Variants in RGS21 observed in about 807,000 individuals in gnomAD.
RGS21 encodes the protein regulator of G-protein signalling 21.
Under a neutral mutation model 18.7 loss-of-function variants are expected in RGS21, and 19 were observed. That is an observed-to-expected ratio of 1.01 (90% CI 0.71 to 1.49). The LOEUF (loss-of-function observed/expected upper bound fraction) is 1.49, where lower values mean the gene tolerates loss of function less well. Ranked by LOEUF, RGS21 falls within the 40% of genes most tolerant of loss-of-function variation. RGS21 has a pLI of 0.00. For missense variants in RGS21, 194 were observed against 176.8 expected, an observed-to-expected ratio of 1.10 and a Z score of -0.55; for synonymous variants, 56 against 57.8, an observed-to-expected ratio of 0.97 and a Z score of 0.14.
chr1:192,333,839 T>C (rs954932510), intron 1 of RGS21, among the ~76,000 whole-genome samples: 2 of 152,086 alleles, frequency 1.3e-5, no homozygotes, highest in Non-Finnish European at 2.9e-5. Flanking sequence ...CAACTACTGG[T>C]TTGTTACTGC....
At chr1:192,365,303 T>A (rs1172538974) in intron 4 of RGS21, among the ~76,000 whole-genome samples, 1 of 152,156 alleles carries the variant, frequency 6.6e-6, no homozygotes, top group African/African-American at 2.4e-5. Flanking sequence ...GTGAATGGTG[T>A]GTTTCAATAT....
intron 1 of RGS21, among the ~76,000 whole-genome samples, chr1:192,323,460 A>T (rs990323098): frequency 1.3e-5 from 2 of 152,118 alleles, no homozygotes; most frequent in African/African-American, 4.8e-5. Flanking sequence ...AGAAACTGAA[A>T]TGAATAAATC....
Position 192,366,388 on chromosome 1 carries a change from T to C in RGS21, c.*264T>C. ...TATAGTCTTAAACCAAAACTGAATA[T>C]TCTTATTATATTATAATGTAAGGAA... On this transcript the variant is annotated 3_prime_UTR_variant, in exon 5 of 5. Coordinates refer to ENST00000417209, the MANE Select transcript of RGS21 (RefSeq NM_001039152.3). 1 of 288,694 alleles carries C rather than the reference T, an allele frequency of 3.5e-6. No individual in the cohort carries two copies. Among genetic ancestry groups the C allele is most frequent in the East Asian group, 8.4e-5 (1 of 11,916 alleles). 17.9% of individuals were successfully genotyped at this position (288,694 alleles called of 1,614,324 possible). A position where few individuals can be genotyped will look rare whatever the true frequency, so the allele number is the denominator to read the frequency against.
At chr1:192,341,815 T>C (rs1309910042) in intron 1 of RGS21, among the ~76,000 whole-genome samples, 1 of 151,808 alleles carries the variant, frequency 6.6e-6, no homozygotes, top group African/African-American at 2.4e-5. Flanking sequence ...ACAGTGTATT[T>C]TCCAAACTGT....
chr1:192,345,524 C>T (rs1315510289), intron 2 of RGS21, among the ~76,000 whole-genome samples: 1 of 152,064 alleles, frequency 6.6e-6, no homozygotes, highest in Admixed American at 6.6e-5. Context: ...AGACCAGGCA[C>T]ACTGTTCTTG....
intron 4 of RGS21, among the ~76,000 whole-genome samples, chr1:192,357,699 A>G (rs547542795): frequency 6.6e-6 from 1 of 152,076 alleles, no homozygotes; most frequent in Admixed American, 6.6e-5. Flanking sequence ...TTTATGACAT[A>G]GCCTGGGATA....
chr1:192,335,892 G>A (rs1658759312), intron 1 of RGS21, among the ~76,000 whole-genome samples: 1 of 152,122 alleles, frequency 6.6e-6, no homozygotes, highest in Admixed American at 6.6e-5. Context: ...AAACACCTGT[G>A]TTTTAGAAAA....
chr1:192,329,050 A>T (rs1300716778), intron 1 of RGS21, among the ~76,000 whole-genome samples: 1 of 152,118 alleles, frequency 6.6e-6, no homozygotes, highest in Non-Finnish European at 1.5e-5. Context: ...AAATGACAAG[A>T]AGACAATCAG....
chr1:192,345,121 C>A (rs1289752234), intron 2 of RGS21, among the ~76,000 whole-genome samples: 2 of 152,028 alleles, frequency 1.3e-5, no homozygotes, highest in Non-Finnish European at 2.9e-5. Flanking sequence ...TATGTAAACA[C>A]CTTCATTCTA....
At chr1:192,327,569 T>C (rs1383924841) in intron 1 of RGS21, among the ~76,000 whole-genome samples, 1 of 152,144 alleles carries the variant, frequency 6.6e-6, no homozygotes, top group Non-Finnish European at 1.5e-5. Context: ...ACCTCCTAAA[T>C]TCAAGCGATT....
intron 1 of RGS21, among the ~76,000 whole-genome samples, chr1:192,324,240 GT>G (rs1440547203): frequency 3.9e-5 from 6 of 152,018 alleles, no homozygotes; most frequent in Admixed American, 2.0e-4. Flanking sequence ...TTGAAACAAA[GT>G]TAGTAAAGCT....
chr1:192,341,806 C>T (rs1294877278), intron 1 of RGS21, among the ~76,000 whole-genome samples: 3 of 148,314 alleles, frequency 2.0e-5, no homozygotes, highest in Middle Eastern at 3.5e-3. Context: ...TAAATTTTGA[C>T]AGTGTATTTT....
chr1:192,351,982 C>T, intron 3 of RGS21, 65 bp from the exon 4 acceptor site: 1 of 832,012 alleles, frequency 1.2e-6, no homozygotes, highest in Non-Finnish European at 1.8e-6. Context: ...ATACAATGTA[C>T]TCATTTTGGT....
intron 1 of RGS21, 26 bp downstream of exon 1, chr1:192,317,131 A>G (rs1459572955): frequency 6.6e-6 from 1 of 151,926 alleles, no homozygotes; most frequent in Non-Finnish European, 1.5e-5. Flanking sequence ...TTTAAGGTTT[A>G]TTATATAAAT....
At chr1:192,355,756 AAAT>A (rs1255462445) in intron 4 of RGS21, among the ~76,000 whole-genome samples, 1 of 151,308 alleles carries the variant, frequency 6.6e-6, no homozygotes, top group African/African-American at 2.4e-5. Flanking sequence ...AACTTTGAGA[AAAT>A]AATATTTGAA....
intron 1 of RGS21, among the ~76,000 whole-genome samples, chr1:192,318,819 T>C (rs1401397691): frequency 6.6e-6 from 1 of 152,088 alleles, no homozygotes; most frequent in Non-Finnish European, 1.5e-5. Context: ...ATTGTCACCA[T>C]AAAAACCAGC....
chr1:192,320,072 A>C (rs1658474581), intron 1 of RGS21, among the ~76,000 whole-genome samples: 1 of 152,036 alleles, frequency 6.6e-6, no homozygotes, highest in East Asian at 1.9e-4. Context: ...TCTTTTTAAA[A>C]CCGCAATACC....
rs1247761791 is a variant in RGS21 at position 192,366,177 on chromosome 1, A to G, written c.*53A>G. The G allele has an allele frequency of 1.9e-6, 2 of 1,070,284 alleles. No individual in the cohort carries two copies. The highest frequency in any genetic ancestry group is 2.4e-5 in the East Asian group (1 of 41,654). The allele number at this position is 1,070,284 out of a possible 1,614,324, so 66.3% of individuals were successfully genotyped here. On this transcript the variant is annotated 3_prime_UTR_variant, in exon 5 of 5. Coordinates refer to ENST00000417209, the MANE Select transcript of RGS21 (RefSeq NM_001039152.3). ...ACTTCAGGGCTACAATATTTTAAAT[A>G]TACAAGCATGATGCATTGTCTTTTG...
chr1:192,342,637 G>A (rs1254489294), intron 1 of RGS21, among the ~76,000 whole-genome samples: 1 of 151,408 alleles, frequency 6.6e-6, no homozygotes, highest in African/African-American at 2.4e-5. Flanking sequence ...AGACTTAAAG[G>A]TGAATATTAA....
Sources: allele counts gnomAD v4.1 joint callset (sites outside exome capture counted in the v4.1 genomes callset), GRCh38; gene constraint gnomAD v4.1.1; transcripts MANE v1.5; gene names NCBI Gene and HGNC (gene_info 2026-07-23, HGNC 2026-07-21).